LARGE1: variants seen among roughly 807,000 people sequenced by gnomAD.
LARGE1 encodes the protein xylosyl- and glucuronyltransferase LARGE1.
LARGE1 carries 43 observed loss-of-function variants against 87.6 expected under a neutral mutation model. The observed-to-expected ratio is 0.49, with a 90% confidence interval of 0.38 to 0.63. The LOEUF is 0.63. LARGE1 is among the 30% of genes least tolerant of loss of function. The pLI, the probability that LARGE1 is intolerant of heterozygous loss-of-function variation, is 0.00. For synonymous variants in LARGE1, 434 were observed against 394.6 expected (o/e 1.10, Z -1.18); for missense variants, 802 against 1,000.2 (o/e 0.80, Z 2.67).
At chr22:33,163,616 G>A (rs1922115906) in exon 12 of LARGE1, 1 of 152,212 alleles carries the variant, frequency 6.6e-6, no homozygotes, top group African/African-American at 2.4e-5. Flanking sequence ...CCTTTACAGG[G>A]AAGGGCTAAG....
intron 3 of LARGE1, among the ~76,000 whole-genome samples, chr22:33,632,292 A>G (rs767569114): frequency 1.8e-4 from 28 of 152,024 alleles, no homozygotes; most frequent in Non-Finnish European, 7.4e-5. Context: ...CCCAGCTAAT[A>G]TTTGTATTTT....
chr22:33,872,307 A>C (rs1038567912), intron 1 of LARGE1, among the ~76,000 whole-genome samples: 6 of 151,482 alleles, frequency 4.0e-5, no homozygotes, highest in African/African-American at 1.2e-4. Flanking sequence ...TGAGTGTACC[A>C]GAAGTGCTGA....
At chr22:33,297,058 A>T (rs556511217) in intron 12 of LARGE1, among the ~76,000 whole-genome samples, 4 of 152,290 alleles carry the variant, frequency 2.6e-5, no homozygotes, top group South Asian at 4.1e-4. Context: ...TAAGACAATG[A>T]ATGGGCCCAA....
intron 1 of LARGE1, among the ~76,000 whole-genome samples, chr22:33,860,016 A>C (rs1055958763): frequency 2.6e-5 from 4 of 152,200 alleles, no homozygotes; most frequent in African/African-American, 9.6e-5. Flanking sequence ...TCAGTTCTGC[A>C]AGATCCAAAC....
chr22:33,118,460 C>T, the LARGE1 span, among the ~76,000 whole-genome samples: 1 of 150,790 alleles, frequency 6.6e-6, no homozygotes, highest in Non-Finnish European at 1.5e-5. Context: ...CCACTGCACT[C>T]CAGCCTGGGT....
intron 10 of LARGE1, among the ~76,000 whole-genome samples, chr22:33,321,355 C>T (rs1936693412): frequency 6.6e-6 from 1 of 152,198 alleles, no homozygotes; most frequent in East Asian, 1.9e-4. Flanking sequence ...GGTGGCCCTT[C>T]TGATTCATAC....
chr22:33,618,079 G>T (rs1413174600), intron 4 of LARGE1, among the ~76,000 whole-genome samples: 1 of 152,160 alleles, frequency 6.6e-6, no homozygotes, highest in Admixed American at 6.5e-5. Context: ...AAGAAAGCGC[G>T]TGTGACAGCA....
chr22:33,273,256 G>T lies in LARGE1; in HGVS notation c.*1171C>A, dbSNP rs1928496577. On this transcript the variant is annotated 3_prime_UTR_variant, in exon 15 of 15. Transcript: ENST00000397394. ...AAAAAGTCCAGTGTCTCCTCAATCT[G>T]TGTGAAGGTGAAGGTGGTTGCCTAC... The T allele has an allele frequency of 2.5e-6, 1 of 397,944 alleles. No individual in the cohort carries two copies. Among genetic ancestry groups the T allele is most frequent in the Non-Finnish European group, 4.4e-6 (1 of 225,892 alleles). The allele number at this position is 397,944 out of a possible 1,614,324, so 24.7% of individuals were successfully genotyped here.
intron 6 of LARGE1, among the ~76,000 whole-genome samples, chr22:33,546,211 T>A (rs557559491): frequency 6.6e-6 from 1 of 152,282 alleles, no homozygotes; most frequent in African/African-American, 2.4e-5. Context: ...CGATCTGCCA[T>A]CACCTTCCCA....
chr22:33,325,551 T>C (rs1172824278), intron 10 of LARGE1, among the ~76,000 whole-genome samples: 1 of 152,254 alleles, frequency 6.6e-6, no homozygotes, highest in Non-Finnish European at 1.5e-5. Flanking sequence ...TGAACACCCA[T>C]GTGGACTTTC....
At chr22:33,877,449 T>C (rs1300101787) in intron 1 of LARGE1, among the ~76,000 whole-genome samples, 1 of 152,156 alleles carries the variant, frequency 6.6e-6, no homozygotes, top group Non-Finnish European at 1.5e-5. Context: ...ATTATCTGGG[T>C]TCAAACCTTC....
intron 11 of LARGE1, chr22:33,221,589 GA>G (rs1469363709): frequency 6.6e-6 from 1 of 152,160 alleles, no homozygotes; most frequent in Non-Finnish European, 1.5e-5. Flanking sequence ...CTTTTAGATG[GA>G]TATCTCCTTA....
At chr22:33,333,469 C>T (rs1310056753) in intron 10 of LARGE1, among the ~76,000 whole-genome samples, 1 of 152,206 alleles carries the variant, frequency 6.6e-6, no homozygotes. Context: ...CTTCTCAGCA[C>T]AGTCAGGGCG....
At chr22:33,521,242 G>T (rs934839293) in intron 6 of LARGE1, among the ~76,000 whole-genome samples, 1 of 152,248 alleles carries the variant, frequency 6.6e-6, no homozygotes, top group African/African-American at 2.4e-5. Context: ...CTCACATGTA[G>T]TGGCTTAAAA....
At chr22:33,306,630 T>A (rs1315895126) in intron 11 of LARGE1, among the ~76,000 whole-genome samples, 4 of 152,068 alleles carry the variant, frequency 2.6e-5, no homozygotes, top group Non-Finnish European at 5.9e-5. Flanking sequence ...CCCAGCACTT[T>A]GGGAGGCCAA....
the LARGE1 span, among the ~76,000 whole-genome samples, chr22:33,079,555 CTT>C: frequency 6.6e-6 from 1 of 151,938 alleles, no homozygotes; most frequent in African/African-American, 2.4e-5. Context: ...TTACCTACAA[CTT>C]TTATTATTTT....
chr22:33,310,059 A>G (rs1935391635), intron 11 of LARGE1, among the ~76,000 whole-genome samples: 1 of 152,124 alleles, frequency 6.6e-6, no homozygotes, highest in South Asian at 2.1e-4. Flanking sequence ...CTTAAAGATC[A>G]CCTGCGGGGC....
intron 12 of LARGE1, among the ~76,000 whole-genome samples, chr22:33,303,420 C>T (rs2146147381): frequency 6.6e-6 from 1 of 152,260 alleles, no homozygotes; most frequent in South Asian, 2.1e-4. Context: ...ATAATACTAC[C>T]CACGGCAGGG....
intron 5 of LARGE1, among the ~76,000 whole-genome samples, chr22:33,578,730 A>G (rs1255910686): frequency 6.6e-6 from 1 of 152,210 alleles, no homozygotes; most frequent in Non-Finnish European, 1.5e-5. Context: ...ATGGATTCAA[A>G]TATGATACTC....
Sources: allele counts gnomAD v4.1 joint callset (sites outside exome capture counted in the v4.1 genomes callset), GRCh38; gene constraint gnomAD v4.1.1; transcripts MANE v1.5; gene names NCBI Gene and HGNC (gene_info 2026-07-23, HGNC 2026-07-21).